The following APBA2 variants were observed in gnomAD, a reference collection of about 807,000 sequenced individuals.
APBA2 encodes the protein amyloid beta precursor protein binding family A member 2.
A neutral mutation model predicts 75.0 loss-of-function variants in APBA2; 30 were observed. The ratio of observed to expected loss-of-function variants is 0.40; its 90% CI spans 0.30 to 0.54. The LOEUF (loss-of-function observed/expected upper bound fraction) is 0.54. APBA2 is among the 20% of genes least tolerant of loss of function. The pLI, the probability that APBA2 is intolerant of heterozygous loss-of-function variation, is 0.49. For missense variants in APBA2, 801 were observed against 1,016.1 expected (o/e 0.79, Z 2.88); for synonymous variants, 444 against 409.6 (o/e 1.08, Z -1.01).
chr15:29,039,466 A>T, intron 3 of APBA2, among the ~76,000 whole-genome samples: 1 of 152,030 alleles, frequency 6.6e-6, no homozygotes, highest in Non-Finnish European at 1.5e-5. Flanking sequence ...TGTCATATTC[A>T]TTATAGTGGT....
At chr15:28,903,505 G>C (rs1019402560) in intron 1 of APBA2, among the ~76,000 whole-genome samples, 15 of 152,232 alleles carry the variant, frequency 9.9e-5, no homozygotes, top group African/African-American at 3.4e-4. Context: ...TCAGCTTCAA[G>C]TTACATAAGC....
At chr15:28,917,341 A>G (rs1040899717) in intron 1 of APBA2, among the ~76,000 whole-genome samples, 2 of 152,114 alleles carry the variant, frequency 1.3e-5, no homozygotes, top group African/African-American at 4.8e-5. Flanking sequence ...CTTCAGGAGA[A>G]ACCTGCTCCC....
intron 3 of APBA2, among the ~76,000 whole-genome samples, chr15:28,999,663 A>T (rs1017220990): frequency 6.6e-6 from 1 of 152,168 alleles, no homozygotes; most frequent in Admixed American, 6.5e-5. Context: ...ATCCCCCATG[A>T]CCCAGCAATT....
intron 4 of APBA2, among the ~76,000 whole-genome samples, chr15:29,056,123 C>T (rs7173806): frequency 0.17 from 25,803 of 152,162 alleles, 2,375 homozygotes; most frequent in African/African-American, 0.24. Flanking sequence ...CAAATGGCAT[C>T]GCTAGCCAAG....
At chr15:29,019,830 AG>A (rs566167699) in intron 3 of APBA2, among the ~76,000 whole-genome samples, 8 of 152,346 alleles carry the variant, frequency 5.3e-5, no homozygotes, top group African/African-American at 1.9e-4. Flanking sequence ...ATGCTTCTCT[AG>A]GGGAGAGAGC....
At chr15:29,013,797 A>C (rs2152818759) in intron 3 of APBA2, among the ~76,000 whole-genome samples, 1 of 152,340 alleles carries the variant, frequency 6.6e-6, no homozygotes, top group South Asian at 2.1e-4. Flanking sequence ...ACTGGTGCAG[A>C]TTTCTAGTTA....
intron 3 of APBA2, among the ~76,000 whole-genome samples, chr15:29,026,722 T>C (rs2152837997): frequency 6.6e-6 from 1 of 150,932 alleles, no homozygotes; most frequent in South Asian, 2.1e-4. Flanking sequence ...GACCATCCTA[T>C]CTAACAAGGT....
chr15:29,096,017 C>T lies in APBA2; in HGVS notation c.1251+1704C>T, dbSNP rs114668060. 9.2e-3 allele frequency among the ~76,000 whole-genome samples: 1,408 copies of T among 152,346 alleles called. 16 individuals carry two copies. The highest frequency in any genetic ancestry group is 0.033 in the African/African-American group (1,352 of 41,580). On this transcript the variant is annotated intron_variant, in intron 8 of 14. Coordinates refer to ENST00000683413, the MANE Select transcript of APBA2 (RefSeq NM_001353788.2). ...GCTGCCGCCTTTAGAGGGGTTGGTA[C>T]AGGCAGACCCAGCTCAAAAAGGCCT...
rs142031470 is a variant in APBA2 at position 28,999,413 on chromosome 15, A to C, written c.-41+3607A>C. ...TTTAAAAAGACAATAGAATTGAAAA[A>C]TGAGCAAATACTATGAAGAAGAAAA... is the stretch of plus-strand genomic sequence containing the variant. On this transcript the variant is annotated intron_variant, in intron 3 of 14. Coordinates refer to ENST00000683413, the MANE Select transcript of APBA2 (RefSeq NM_001353788.2). Among the ~76,000 whole-genome samples, 285 of 152,346 alleles carry C rather than the reference A, an allele frequency of 1.9e-3. 2 individuals carry two copies. Among genetic ancestry groups the C allele is most frequent in the African/African-American group, 6.5e-3 (272 of 41,590 alleles).
chr15:29,012,745 A>G (rs1046083158), intron 3 of APBA2, among the ~76,000 whole-genome samples: 2 of 152,132 alleles, frequency 1.3e-5, no homozygotes, highest in African/African-American at 2.4e-5. Context: ...AACTCTACCA[A>G]TTTGGACCCT....
chr15:29,053,697 G>A (rs576507124), intron 3 of APBA2, 148 bp from the exon 4 acceptor site: 67 of 606,524 alleles, frequency 1.1e-4, no homozygotes, highest in African/African-American at 7.4e-4. Flanking sequence ...ATGAGTTAGC[G>A]GGGGTGGGGA....
rs144170548 is a variant in APBA2 at position 28,974,456 on chromosome 15, G to C, written c.-94-21297G>C. Among the ~76,000 whole-genome samples, 527 of 152,284 alleles carry C rather than the reference G, an allele frequency of 3.5e-3. 3 individuals are homozygous for C. Among genetic ancestry groups the C allele is most frequent in the Middle Eastern group, 0.01 (3 of 294 alleles). ...AAAACATACGCCTCCAAATGTACCA[G>C]ACTTTGTGCTGTGATAATAGGGAAT... On this transcript the variant is annotated intron_variant, in intron 2 of 14. Coordinates refer to ENST00000683413, the MANE Select transcript of APBA2 (RefSeq NM_001353788.2).
intron 9 of APBA2, among the ~76,000 whole-genome samples, chr15:29,100,162 T>A (rs539203260): frequency 6.6e-6 from 1 of 152,292 alleles, no homozygotes; most frequent in Admixed American, 6.5e-5. Context: ...CTGCCATTGA[T>A]AGGAGCTGGG....
intron 4 of APBA2, among the ~76,000 whole-genome samples, chr15:29,067,543 T>A (rs2042431186): frequency 6.6e-6 from 1 of 152,138 alleles, no homozygotes; most frequent in African/African-American, 2.4e-5. Context: ...GATCCCGCCT[T>A]GGCAGGAGTG....
At chr15:28,980,564 C>G (rs2037567300) in intron 2 of APBA2, among the ~76,000 whole-genome samples, 1 of 152,176 alleles carries the variant, frequency 6.6e-6, no homozygotes, top group African/African-American at 2.4e-5. Flanking sequence ...AATGGAAAAA[C>G]ATTCTATCCT....
intron 3 of APBA2, among the ~76,000 whole-genome samples, chr15:29,020,008 T>C (rs2039870856): frequency 6.6e-6 from 1 of 152,252 alleles, no homozygotes; most frequent in Admixed American, 6.5e-5. Context: ...TATTTTTTCA[T>C]TTCCTGGATT....
At chr15:29,004,794 C>T (rs763878944) in intron 3 of APBA2, among the ~76,000 whole-genome samples, 1 of 152,202 alleles carries the variant, frequency 6.6e-6, no homozygotes, top group African/African-American at 2.4e-5. Flanking sequence ...ATTCTCCTGC[C>T]TCAGCCTCCC....
At chr15:29,112,465 C>T (rs974933339) in intron 13 of APBA2, among the ~76,000 whole-genome samples, 4 of 152,180 alleles carry the variant, frequency 2.6e-5, no homozygotes, top group African/African-American at 4.8e-5. Context: ...TGTGTGTACA[C>T]GCATGTGTGT....
At chr15:28,953,394 C>T (rs1361476546) in intron 2 of APBA2, among the ~76,000 whole-genome samples, 2 of 152,094 alleles carry the variant, frequency 1.3e-5, no homozygotes, top group Admixed American at 6.6e-5. Flanking sequence ...GAACAGAAGT[C>T]TCTTGCTCCC....
Sources: allele counts gnomAD v4.1 joint callset (sites outside exome capture counted in the v4.1 genomes callset), GRCh38; gene constraint gnomAD v4.1.1; transcripts MANE v1.5; gene names NCBI Gene and HGNC (gene_info 2026-07-23, HGNC 2026-07-21).